PDE10A: variants seen among roughly 807,000 people sequenced by gnomAD.
PDE10A encodes the protein cAMP and cAMP-inhibited cGMP 3',5'-cyclic phosphodiesterase 10A.
In PDE10A, 39 loss-of-function variants were observed where a neutral mutation model predicts 97.7. That is an observed-to-expected ratio of 0.40 (90% confidence interval 0.31 to 0.52). The LOEUF (loss-of-function observed/expected upper bound fraction) is 0.52, where lower values mean the gene tolerates loss of function less well. Among genes scored for constraint, PDE10A ranks in the 20% least tolerant of loss-of-function variants. PDE10A has a pLI of 0.56. For synonymous variants in PDE10A, 371 were observed against 376.8 expected (o/e 0.98, Z 0.18); for missense variants, 731 against 1,047.8 (o/e 0.70, Z 4.17).
intron 1 of PDE10A, among the ~76,000 whole-genome samples, chr6:165,716,203 C>A (rs1792022405): frequency 6.6e-6 from 1 of 152,174 alleles, no homozygotes; most frequent in African/African-American, 2.4e-5. Context: ...GCTCTGGGTT[C>A]CGAGTCTCCA....
Position 165,606,153 on chromosome 6 carries a change from G to GGA in PDE10A, c.865+55793_865+55794insTC, listed in dbSNP as rs1554294669. ...CAAATTATTAACATTACGAACAAGC[G>GGA]AAAAAAAAAAAAAAAACAGAAATAA... On this transcript the variant is annotated intron_variant, in intron 1 of 21. Coordinates refer to ENST00000539869, the MANE Select transcript of PDE10A (RefSeq NM_001385079.1). Among the ~76,000 whole-genome samples, 5 of 113,278 alleles carry GGA rather than the reference G, an allele frequency of 4.4e-5. 1 individual carries two copies. Among genetic ancestry groups the GGA allele is most frequent in the South Asian group, 6.2e-4 (2 of 3,214 alleles). 74.3% of individuals were successfully genotyped at this position (113,278 alleles called of 152,430 possible).
At chr6:165,486,708 T>C (rs111630147) in intron 2 of PDE10A, among the ~76,000 whole-genome samples, 5 of 152,174 alleles carry the variant, frequency 3.3e-5, no homozygotes, top group African/African-American at 1.2e-4. Flanking sequence ...ACCCCAGAGA[T>C]GTCTTTTAGA....
intron 1 of PDE10A, among the ~76,000 whole-genome samples, chr6:165,762,741 C>A (rs868232446): frequency 9.5e-4 from 145 of 152,216 alleles, no homozygotes; most frequent in African/African-American, 3.1e-3. Flanking sequence ...TTATTGCTAA[C>A]AAACAATTGT....
intron 1 of PDE10A, among the ~76,000 whole-genome samples, chr6:165,612,493 C>T (rs1787542329): frequency 6.6e-6 from 1 of 152,046 alleles, no homozygotes; most frequent in Admixed American, 6.6e-5. Context: ...CTCAGCCTCC[C>T]TATTAGCTGG....
At chr6:165,526,417 C>T (rs1782450211) in intron 2 of PDE10A, among the ~76,000 whole-genome samples, 3 of 152,116 alleles carry the variant, frequency 2.0e-5, no homozygotes, top group African/African-American at 7.2e-5. Flanking sequence ...CACATTGGCT[C>T]CTTGACTGGG....
chr6:165,949,840 G>T (rs1269512498), intron 1 of PDE10A: 2 of 152,156 alleles, frequency 1.3e-5, no homozygotes, highest in Non-Finnish European at 2.9e-5. Context: ...TGAATAAAAT[G>T]ATCATCTGTA....
chr6:165,355,214 TA>T (rs1782950164), intron 18 of PDE10A, among the ~76,000 whole-genome samples: 1 of 152,234 alleles, frequency 6.6e-6, no homozygotes, highest in African/African-American at 2.4e-5. Context: ...ATACTTTTTT[TA>T]TACTTTAGGT....
Position 165,752,799 on chromosome 6 carries a change from G to A in PDE10A, c.-614-209231C>T, listed in dbSNP as rs185455783. On this transcript the variant is annotated intron_variant, in intron 1 of 19. Transcript: ENST00000366882. The stretch of plus-strand genomic sequence containing the variant: ...GATTAGAATCCCTAAGGGAGGCTGC[G>A]AAGAAGGAAACGCTATGCAGAGGCT... Among the ~76,000 whole-genome samples the A allele has an allele frequency of 3.7e-3, 556 of 152,294 alleles. 3 individuals carry two copies. The highest frequency in any genetic ancestry group is 0.013 in the African/African-American group (529 of 41,560).
chr6:165,716,106 G>A (rs2128447334), intron 1 of PDE10A, among the ~76,000 whole-genome samples: 1 of 152,288 alleles, frequency 6.6e-6, no homozygotes, highest in African/African-American at 2.4e-5. Context: ...ACTGGATGAA[G>A]CCCAGGTGCC....
At chr6:165,614,809 T>G (rs1266152119) in intron 1 of PDE10A, among the ~76,000 whole-genome samples, 1 of 148,414 alleles carries the variant, frequency 6.7e-6, no homozygotes, top group Non-Finnish European at 1.5e-5. Flanking sequence ...CCTGATCAAA[T>G]AGAAGTAAGG....
intron 1 of PDE10A, among the ~76,000 whole-genome samples, chr6:165,712,932 A>C (rs942706158): frequency 1.6e-4 from 24 of 151,992 alleles, no homozygotes; most frequent in African/African-American, 5.1e-4. Flanking sequence ...GAGCCACCGC[A>C]CCCGGCCCGT....
intron 17 of PDE10A, among the ~76,000 whole-genome samples, chr6:165,384,645 T>G (rs879567793): frequency 0.21 from 17,227 of 81,810 alleles, 1,799 homozygotes; most frequent in Admixed American, 0.25. Context: ...TGTGTGTGTG[T>G]GTGTGTGTGT....
rs746272653 is a variant in PDE10A at position 165,393,303 on chromosome 6, CA to C, written c.2304-508del. 4.6e-5 allele frequency among the ~76,000 whole-genome samples: 7 copies of C among 152,050 alleles called. No homozygotes were observed. In the East Asian group the frequency reaches 1.4e-3, roughly 29 times the overall value. ...AAAGTATTAAGGTTTATTACACACT[CA>C]AATTATTAAGTCACAAATGAACATA... On this transcript the variant is annotated intron_variant, in intron 15 of 21. Coordinates refer to ENST00000539869, the MANE Select transcript of PDE10A (RefSeq NM_001385079.1).
intron 1 of PDE10A, among the ~76,000 whole-genome samples, chr6:165,644,514 A>G (rs1279352364): frequency 6.6e-6 from 1 of 152,238 alleles, no homozygotes; most frequent in African/African-American, 2.4e-5. Context: ...TAAGGGCAAC[A>G]GGCAGGAATT....
At chr6:165,361,813 C>T (rs571724529) in intron 18 of PDE10A, among the ~76,000 whole-genome samples, 4 of 152,238 alleles carry the variant, frequency 2.6e-5, no homozygotes, top group South Asian at 2.1e-4. Context: ...AAGGAACCAA[C>T]GTTGCCGGTA....
chr6:165,683,852 C>A (rs1169679733), intron 1 of PDE10A, among the ~76,000 whole-genome samples: 1 of 152,176 alleles, frequency 6.6e-6, no homozygotes, highest in Non-Finnish European at 1.5e-5. Context: ...CCACACCTCT[C>A]CACGACTTCC....
chr6:165,923,147 A>G (rs1347863931), intron 1 of PDE10A, among the ~76,000 whole-genome samples: 4 of 152,252 alleles, frequency 2.6e-5, no homozygotes, highest in Non-Finnish European at 5.9e-5. Context: ...GCAAACAAAA[A>G]TGGCCTTCGC....
intron 1 of PDE10A, among the ~76,000 whole-genome samples, chr6:165,835,317 A>G (rs1013284826): frequency 2.0e-5 from 3 of 152,162 alleles, no homozygotes; most frequent in Non-Finnish European, 4.4e-5. Flanking sequence ...ATTCCTTTAT[A>G]CGGATGGGCT....
intron 1 of PDE10A, chr6:165,949,130 G>A (rs1266098847): frequency 6.6e-6 from 1 of 152,220 alleles, no homozygotes; most frequent in African/African-American, 2.4e-5. Flanking sequence ...TAAGAAAAAT[G>A]TTATCTTTTC....
Sources: allele counts gnomAD v4.1 joint callset (sites outside exome capture counted in the v4.1 genomes callset), GRCh38; gene constraint gnomAD v4.1.1; transcripts MANE v1.5; gene names NCBI Gene and HGNC (gene_info 2026-07-23, HGNC 2026-07-21).